PRR11: variants seen among roughly 807,000 people sequenced by gnomAD.
PRR11 encodes proline rich 11, also known as proline-rich protein 11.
In PRR11, 30 loss-of-function variants were observed where a neutral mutation model predicts 45.6. The observed-to-expected ratio is 0.66, with a 90% CI of 0.49 to 0.89. PRR11 has a LOEUF of 0.89. PRR11 is among the 40% of genes least tolerant of loss of function. The pLI is 0.00. For missense variants in PRR11, 373 were observed against 424.8 expected (o/e 0.88, Z 1.07); for synonymous variants, 128 against 153.5 (o/e 0.83, Z 1.23).
At chr17:59,182,331 A>G (rs1233881306) in intron 2 of PRR11, among the ~76,000 whole-genome samples, 1 of 127,292 alleles carries the variant, frequency 7.9e-6, no homozygotes, top group East Asian at 2.5e-4. Flanking sequence ...CCTGGCCTGA[A>G]TTTCTCCATT....
chr17:59,182,971 A>G (rs1278693509), intron 2 of PRR11, among the ~76,000 whole-genome samples: 1 of 152,166 alleles, frequency 6.6e-6, no homozygotes, highest in Non-Finnish European at 1.5e-5. Flanking sequence ...CGAGGCTGAG[A>G]GAAGTCAGGA....
chr17:59,193,814 T>A, intron 5 of PRR11, 80 bp downstream of exon 5: 2 of 1,475,962 alleles, frequency 1.4e-6, no homozygotes, highest in Non-Finnish European at 9.3e-7. Flanking sequence ...AGTGGCCTTT[T>A]AAGGCCAGGC....
intron 4 of PRR11, among the ~76,000 whole-genome samples, chr17:59,191,582 T>A (rs2046841080): frequency 6.6e-6 from 1 of 152,132 alleles, no homozygotes; most frequent in African/African-American, 2.4e-5. Flanking sequence ...CTCCACCTTT[T>A]GTTTCTCCAG....
intron 2 of PRR11, among the ~76,000 whole-genome samples, chr17:59,182,865 C>T (rs1158217516): frequency 2.0e-5 from 3 of 152,102 alleles, no homozygotes; most frequent in Non-Finnish European, 4.4e-5. Context: ...CATGATCTTT[C>T]CCAAAATCTA....
rs144453069 is a variant in PRR11, at chr17:59,199,678, C to T, written c.1015-1885C>T. 1.1e-4 allele frequency among the ~76,000 whole-genome samples: 17 copies of T among 152,306 alleles called. No individual in the cohort carries two copies. The East Asian group carries it at 3.3e-3, about 29-fold the overall frequency. On this transcript the variant is annotated intron_variant, in intron 9 of 9. Coordinates refer to ENST00000262293, the MANE Select transcript of PRR11 (RefSeq NM_018304.4). Reference sequence around the variant, plus strand: ...TTGGCTTTGAAGTTTATAGTTCGTTCTCTCTCTGGATGCAGGGACATAGCA... The same window carrying T: ...TTGGCTTTGAAGTTTATAGTTCGTTTTCTCTCTGGATGCAGGGACATAGCA...
At chr17:59,174,637 G>T (rs909034023) in intron 2 of PRR11, among the ~76,000 whole-genome samples, 5 of 152,108 alleles carry the variant, frequency 3.3e-5, no homozygotes, top group Admixed American at 3.3e-4. Flanking sequence ...ATCTCGCCAT[G>T]TTGCCCAGGC....
At chr17:59,181,960 C>T (rs181504660) in intron 2 of PRR11, among the ~76,000 whole-genome samples, 2 of 151,532 alleles carry the variant, frequency 1.3e-5, no homozygotes, top group African/African-American at 2.4e-5. Flanking sequence ...CAGAACACTT[C>T]TTCATGTCCT....
Position 59,162,726 on chromosome 17 carries a change from C to CTTT in PRR11, c.-6+6938_-6+6940dup, listed in dbSNP as rs34124387. Among the ~76,000 whole-genome samples, 125 of 117,304 alleles carry CTTT rather than the reference C, an allele frequency of 1.1e-3. 1 individual carries two copies. In the Middle Eastern group the frequency reaches 0.014, roughly 13 times the overall value. 77.0% of individuals were successfully genotyped at this position (117,304 alleles called of 152,430 possible). The stretch of plus-strand genomic sequence containing the variant: ...ACTGACTTCCATTCACTTTCTCTCC[C>CTTT]TTTTTTTTTTTTTTTTTTTGAGACA... On this transcript the variant is annotated intron_variant, in intron 1 of 9. Transcript: ENST00000262293.
At position 59,204,890 on chromosome 17, in the gene PRR11, C is replaced by T. The variant is rs980435577; in HGVS notation, c.*3259C>T. On this transcript the variant is annotated 3_prime_UTR_variant, in exon 10 of 10. Coordinates refer to ENST00000262293, the MANE Select transcript of PRR11 (RefSeq NM_018304.4). The stretch of plus-strand genomic sequence containing the variant: ...CAAAAAACGAAAAATTAGCCGGGAG[C>T]GGTGATGTGTGCCTGTAGTCCCAGC... Among the ~76,000 whole-genome samples the T allele has an allele frequency of 7.9e-5, 12 of 151,296 alleles. No homozygotes were observed. The highest frequency in any genetic ancestry group is 1.3e-4 in the Admixed American group (2 of 15,152).
intron 2 of PRR11, among the ~76,000 whole-genome samples, chr17:59,179,238 G>A (rs1349605451): frequency 6.6e-6 from 1 of 151,868 alleles, no homozygotes; most frequent in Non-Finnish European, 1.5e-5. Flanking sequence ...GACCTGCCTC[G>A]GCCTCCCAAA....
chr17:59,201,538 T>C, intron 9 of PRR11, 25 bp from the exon 10 acceptor site: 1 of 1,600,004 alleles, frequency 6.2e-7, no homozygotes, highest in South Asian at 1.1e-5. Flanking sequence ...ATTGATATTA[T>C]AATTGGGACT....
intron 1 of PRR11, among the ~76,000 whole-genome samples, chr17:59,166,448 T>A (rs1008058830): frequency 2.0e-5 from 3 of 151,818 alleles, no homozygotes; most frequent in African/African-American, 7.3e-5. Flanking sequence ...GAAATGTGAA[T>A]ATACTAGATA....
chr17:59,178,456 G>C, intron 2 of PRR11: 1 of 510,322 alleles, frequency 2.0e-6, no homozygotes, highest in Non-Finnish European at 3.9e-6. Context: ...ACACGGTTCC[G>C]TGGAGAACAA....
rs1252444200 is a variant in PRR11 at position 59,203,295 on chromosome 17, G to T, written c.*1664G>T. ...GCTGGAGTGCAGTGGCGCAATCTTG[G>T]CTCACTGCAACCTCCACCTCCCAGG... On this transcript the variant is annotated 3_prime_UTR_variant, in exon 10 of 10. Coordinates refer to ENST00000262293, the MANE Select transcript of PRR11 (RefSeq NM_018304.4). 6.6e-6 allele frequency among the ~76,000 whole-genome samples: 1 copy of T among 152,078 alleles called. No homozygotes were observed. Among genetic ancestry groups the T allele is most frequent in the Admixed American group, 6.6e-5 (1 of 15,244 alleles).
chr17:59,157,922 G>T (rs1320218386), intron 1 of PRR11, among the ~76,000 whole-genome samples: 1 of 152,200 alleles, frequency 6.6e-6, no homozygotes, highest in African/African-American at 2.4e-5. Context: ...AGTATTTGGT[G>T]TTTAGTATAC....
Position 59,173,887 on chromosome 17 carries a change from A to G in PRR11, c.128+4007A>G, listed in dbSNP as rs574334745. ...TAGCAATGGAATAAAGTTCCTGCTG[A>G]AAATTCACATCTCCCCTGGATCCGG... On this transcript the variant is annotated intron_variant, in intron 2 of 9. Coordinates refer to ENST00000262293, the MANE Select transcript of PRR11 (RefSeq NM_018304.4). Among the ~76,000 whole-genome samples, 3 of 152,344 alleles carry G rather than the reference A, an allele frequency of 2.0e-5. No homozygotes were observed. The East Asian group carries it at 5.8e-4, about 29-fold the overall frequency.
At chr17:59,176,128 C>T (rs1713497417) in intron 2 of PRR11, among the ~76,000 whole-genome samples, 1 of 152,112 alleles carries the variant, frequency 6.6e-6, no homozygotes, top group Non-Finnish European at 1.5e-5. Flanking sequence ...TGGGTCCTTC[C>T]CTTCAGAACC....
chr17:59,185,526 G>A lies in PRR11; in HGVS notation c.366G>A (p.Leu122=). 4 of 1,610,300 alleles carry A rather than the reference G, an allele frequency of 2.5e-6. No individual in the cohort carries two copies. The highest frequency in any genetic ancestry group is 3.4e-6 in the Non-Finnish European group (4 of 1,178,946). Residue 122 remains leucine (L), a synonymous_variant, in exon 4 of 10, where the codon TTG becomes TTA. Transcript: ENST00000262293. ...LYSVKQQFCI[L]ESKLCKLQEA... is the part of the protein sequence containing the mutation. Reference sequence around the variant, plus strand: ...GTGTAAAACAACAGTTTTGCATTTTGGAAAGTAAATTATGCAAGCTCCAGG... The same window carrying A: ...GTGTAAAACAACAGTTTTGCATTTTAGAAAGTAAATTATGCAAGCTCCAGG...
At chr17:59,189,375 C>T (rs1294488019) in intron 4 of PRR11, among the ~76,000 whole-genome samples, 2 of 151,980 alleles carry the variant, frequency 1.3e-5, no homozygotes, top group Non-Finnish European at 2.9e-5. Context: ...GCTCTGTCGC[C>T]CAGGCTAAAG....
Sources: allele counts gnomAD v4.1 joint callset (sites outside exome capture counted in the v4.1 genomes callset), GRCh38; gene constraint gnomAD v4.1.1; transcripts MANE v1.5; gene names NCBI Gene and HGNC (gene_info 2026-07-23, HGNC 2026-07-21).